PXDNL: variants seen among roughly 807,000 people sequenced by gnomAD.
The protein encoded by PXDNL is probable oxidoreductase PXDNL.
PXDNL carries 145 observed loss-of-function variants against 150.8 expected under a neutral mutation model. The ratio of observed to expected loss-of-function variants is 0.96; its 90% CI spans 0.84 to 1.10. The LOEUF (loss-of-function observed/expected upper bound fraction) is 1.10, where lower values mean the gene tolerates loss of function less well. Among genes scored for constraint, PXDNL ranks in the 50% least tolerant of loss-of-function variants. The pLI is 0.00. For synonymous variants in PXDNL, 757 were observed against 725.7 expected, an observed-to-expected ratio of 1.04 and a Z score of -0.69; for missense variants, 2,087 against 1,873.9, an observed-to-expected ratio of 1.11 and a Z score of -2.10.
intron 20 of PXDNL, among the ~76,000 whole-genome samples, chr8:51,344,962 A>G (rs1806100044): frequency 1.3e-5 from 2 of 152,186 alleles, no homozygotes; most frequent in African/African-American, 4.8e-5. Context: ...CCTCTCCTCA[A>G]TTTTAAAACT....
At chr8:51,744,793 GAGAAAGAGAGAGAA>G (rs2036959084) in intron 1 of PXDNL, among the ~76,000 whole-genome samples, 1 of 142,930 alleles carries the variant, frequency 7.0e-6, no homozygotes, top group Non-Finnish European at 1.5e-5. Context: ...GAGAGAAAAA[GAGAAAGAGAGAGAA>G]AGAAAGAGAA....
At chr8:51,754,559 A>G (rs944402466) in intron 1 of PXDNL, among the ~76,000 whole-genome samples, 17 of 151,960 alleles carry the variant, frequency 1.1e-4, no homozygotes, top group African/African-American at 4.1e-4. Context: ...GCTGGAGTCC[A>G]ATGGCGCGAT....
intron 3 of PXDNL, among the ~76,000 whole-genome samples, chr8:51,590,649 G>A (rs756024588): frequency 1.2e-4 from 19 of 152,098 alleles, no homozygotes; most frequent in Non-Finnish European, 2.4e-4. Flanking sequence ...CTTTCTTTTT[G>A]CCTATCTCTC....
At chr8:51,624,189 A>G (rs1814318069) in intron 2 of PXDNL, among the ~76,000 whole-genome samples, 1 of 151,574 alleles carries the variant, frequency 6.6e-6, no homozygotes, top group Admixed American at 6.6e-5. Context: ...GCATAAAGTC[A>G]GCCAGAAGTG....
intron 17 of PXDNL, among the ~76,000 whole-genome samples, chr8:51,399,586 C>G (rs1808186390): frequency 6.6e-6 from 1 of 152,160 alleles, no homozygotes. Flanking sequence ...GAAGAGAAGA[C>G]AGACTGCAAA....
At chr8:51,549,595 T>C (rs1208029005) in intron 4 of PXDNL, among the ~76,000 whole-genome samples, 1 of 152,048 alleles carries the variant, frequency 6.6e-6, no homozygotes, top group African/African-American at 2.4e-5. Context: ...TGGGTCAAAA[T>C]TAAATCAAGA....
At chr8:51,546,517 G>C (rs76137349) in intron 4 of PXDNL, among the ~76,000 whole-genome samples, 7,115 of 152,278 alleles carry the variant, frequency 0.047, 567 homozygotes, top group African/African-American at 0.16. Context: ...GGTCCTTGGG[G>C]AAGGGAAGGC....
At chr8:51,803,780 T>C (rs575163453) in intron 1 of PXDNL, among the ~76,000 whole-genome samples, 3 of 152,350 alleles carry the variant, frequency 2.0e-5, no homozygotes, top group African/African-American at 7.2e-5. Flanking sequence ...TGTGGCCTTT[T>C]CCCATTCTTC....
At chr8:51,742,596 G>T (rs902126809) in intron 1 of PXDNL, among the ~76,000 whole-genome samples, 1 of 151,624 alleles carries the variant, frequency 6.6e-6, no homozygotes, top group Non-Finnish European at 1.5e-5. Context: ...TAGACAAAAA[G>T]GGGGACAAAA....
chr8:51,551,266 T>C (rs1306007831), intron 4 of PXDNL, among the ~76,000 whole-genome samples: 1 of 152,104 alleles, frequency 6.6e-6, no homozygotes, highest in African/African-American at 2.4e-5. Flanking sequence ...AAGCAATCTA[T>C]AAATTCAATA....
At chr8:51,777,071 G>A (rs2037361552) in intron 1 of PXDNL, among the ~76,000 whole-genome samples, 1 of 152,144 alleles carries the variant, frequency 6.6e-6, no homozygotes, top group Admixed American at 6.5e-5. Flanking sequence ...AAAGTAAAAT[G>A]CTTTAGCTAC....
chr8:51,640,866 T>C (rs1377792667), intron 2 of PXDNL, among the ~76,000 whole-genome samples: 9 of 151,770 alleles, frequency 5.9e-5, no homozygotes, highest in Non-Finnish European at 7.4e-5. Flanking sequence ...TTAAAGTTCA[T>C]ATGGAACCAA....
intron 17 of PXDNL, among the ~76,000 whole-genome samples, chr8:51,377,376 C>A (rs1807357113): frequency 6.6e-6 from 1 of 152,108 alleles, no homozygotes; most frequent in African/African-American, 2.4e-5. Flanking sequence ...CACTCGCTGT[C>A]GCGGCCTCCT....
At chr8:51,406,503 T>C (rs1563396403) in intron 17 of PXDNL, among the ~76,000 whole-genome samples, 1 of 152,190 alleles carries the variant, frequency 6.6e-6, no homozygotes, top group Non-Finnish European at 1.5e-5. Context: ...CAGATTCCCT[T>C]GCATGGCACA....
intron 19 of PXDNL, among the ~76,000 whole-genome samples, chr8:51,346,819 T>C (rs959974203): frequency 3.3e-5 from 5 of 152,188 alleles, no homozygotes; most frequent in African/African-American, 1.2e-4. Context: ...GCAGATAACT[T>C]GCACCAGGCT....
chr8:51,721,656 A>G (rs1350763730), intron 1 of PXDNL: 13 of 433,488 alleles, frequency 3.0e-5, no homozygotes, highest in Non-Finnish European at 5.7e-5. Flanking sequence ...AAAAAAAAAA[A>G]GAAGTTGACT....
At chr8:51,770,025 A>G (rs1158866296) in intron 1 of PXDNL, among the ~76,000 whole-genome samples, 1 of 152,160 alleles carries the variant, frequency 6.6e-6, no homozygotes, top group Non-Finnish European at 1.5e-5. Context: ...TCCCATGAAG[A>G]GCTATGACGC....
intron 1 of PXDNL, among the ~76,000 whole-genome samples, chr8:51,686,840 A>G (rs572305042): frequency 1.3e-5 from 2 of 152,300 alleles, no homozygotes; most frequent in South Asian, 4.1e-4. Flanking sequence ...ATAAAAAATA[A>G]AAAGCAAAAG....
intron 1 of PXDNL, among the ~76,000 whole-genome samples, chr8:51,725,701 A>T (rs1816807359): frequency 6.6e-6 from 1 of 152,202 alleles, no homozygotes; most frequent in Admixed American, 6.5e-5. Context: ...AAGTCCTGGG[A>T]CAGTGGGAAC....
Sources: gnomAD v4.1 joint callset for allele counts (sites outside exome capture counted in the v4.1 genomes callset) on GRCh38, gnomAD v4.1.1 for gene constraint, MANE v1.5 for transcripts, NCBI Gene and HGNC (gene_info 2026-07-23, HGNC 2026-07-21) for gene names.